The following RAC3 variants were observed in gnomAD, a reference collection of about 807,000 sequenced individuals.
The protein encoded by RAC3 is Rac family small GTPase 3.
Under a neutral mutation model 19.0 loss-of-function variants are expected in RAC3, and 9 were observed. The ratio of observed to expected loss-of-function variants is 0.47; its 90% CI spans 0.29 to 0.83. The LOEUF (loss-of-function observed/expected upper bound fraction) is 0.83, where lower values mean the gene tolerates loss of function less well. Ranked by LOEUF, RAC3 falls within the 40% of genes least tolerant of loss-of-function variation. RAC3 has a pLI of 0.09. For synonymous variants in RAC3, 146 were observed against 111.8 expected (o/e 1.31, Z -1.93); for missense variants, 203 against 260.8 (o/e 0.78, Z 1.53).
chr17:82,033,892 G>T lies in RAC3; in HGVS notation c.*63G>T. 6.6e-7 allele frequency: 1 copy of T among 1,511,942 alleles called. No homozygotes were observed. 93.7% of individuals were successfully genotyped at this position (1,511,942 alleles called of 1,614,324 possible). A position where few individuals can be genotyped will look rare whatever the true frequency, so the allele number is the denominator to read the frequency against. ...CAGCCCTGGACGTGTCCGCTGTTGT[G>T]TTGAGACGTGTGGTGTCCCTGAGTC... On this transcript the variant is annotated 3_prime_UTR_variant, in exon 6 of 6. Transcript: ENST00000306897. This position sits in a 1 kb window ranked among gnomAD's most constrained non-coding sequence, Gnocchi z 6.2.
intron 3 of RAC3, 23 bp from the exon 4 acceptor site, chr17:82,032,924 C>G: frequency 1.9e-6 from 3 of 1,613,078 alleles, no homozygotes; most frequent in Non-Finnish European, 2.5e-6. Context: ...GACCACTCCA[C>G]CAGGTCCCAC....
Position 82,032,415 on chromosome 17 carries a change from A to T in RAC3, c.64A>T (p.Ser22Cys), listed in dbSNP as rs1339755964. 1 of 1,612,842 alleles carries T rather than the reference A, an allele frequency of 6.2e-7. No homozygotes were observed. Among genetic ancestry groups the T allele is most frequent in the Non-Finnish European group, 8.5e-7 (1 of 1,179,920 alleles). The change falls in exon 2 of 6, where the codon AGC (serine) becomes TGC (cysteine). Residue 22 changes from serine (S) to cysteine (C), a missense_variant. This residue lies in a region of RAC3 where 49 missense variants were observed against 67.4 expected (regional missense o/e 0.73). Coordinates refer to ENST00000306897, the MANE Select transcript of RAC3 (RefSeq NM_005052.3). ...CGTGGGGAAGACATGCTTGCTGATC[A>T]GCTACACGACCAACGCCTTCCCCGG... ...GAVGKTCLLI[S>C]YTTNAFPGEY...
In RAC3 at chr17:82,033,984, G is replaced by C; in HGVS notation, c.*155G>C. ...GGATGAGGCTGGGTGGCAGGATCCT[G>C]TCCTCTCTGCCGCCTCATTCTGGGG... is the stretch of plus-strand genomic sequence containing the variant. On this transcript the variant is annotated 3_prime_UTR_variant, in exon 6 of 6. Transcript: ENST00000306897. This position sits in a 1 kb window ranked among gnomAD's most constrained non-coding sequence, Gnocchi z 6.2. 4 of 1,021,960 alleles carry C rather than the reference G, an allele frequency of 3.9e-6. No homozygotes were observed. The highest frequency in any genetic ancestry group is 5.5e-6 in the Non-Finnish European group (4 of 721,888). The allele number at this position is 1,021,960 out of a possible 1,614,324, so 63.3% of individuals were successfully genotyped here. A position where few individuals can be genotyped will look rare whatever the true frequency, so the allele number is the denominator to read the frequency against.
rs369411372 is a variant in RAC3, at chr17:82,033,679, C to T, written c.449-20C>T. 1 of 1,609,998 alleles carries T rather than the reference C, an allele frequency of 6.2e-7. No homozygotes were observed. The highest frequency in any genetic ancestry group is 8.5e-7 in the Non-Finnish European group (1 of 1,177,636). On this transcript the variant is annotated intron_variant, in intron 5 of 5. Transcript: ENST00000306897. The surrounding 1 kb of genome is among the most constrained non-coding windows in gnomAD (Gnocchi z 6.2). ...TCCCTGTACCCCACCCTCACTGTCT[C>T]CCCTCCTCACTGCCGCTAGGCTCTG...
intron 2 of RAC3, 54 bp downstream of exon 2, chr17:82,032,512 G>C: frequency 6.3e-7 from 1 of 1,581,502 alleles, no homozygotes; most frequent in South Asian, 1.1e-5. Context: ...AGTGTGGCAT[G>C]GGGGGGACAC....
chr17:82,032,123 C>T (rs2043436714), intron 1 of RAC3: 2 of 528,316 alleles, frequency 3.8e-6, no homozygotes, highest in Non-Finnish European at 6.8e-6. Context: ...CCCACCCTCT[C>T]CTGCCGCCAC....
chr17:82,031,868 G>C (rs891583190), intron 1 of RAC3, 72 bp downstream of exon 1: 64 of 796,308 alleles, frequency 8.0e-5, no homozygotes, highest in Non-Finnish European at 8.3e-5. Context: ...GGGCGCAGCC[G>C]GGGCGGGGCG....
chr17:82,033,752 G>A lies in RAC3; in HGVS notation c.502G>A (p.Val168Met). The change falls in exon 6 of 6, where the codon GTG (valine) becomes ATG (methionine). Residue 168 changes from valine (V) to methionine (M), a missense_variant. Transcript: ENST00000306897. This position sits in a 1 kb window ranked among gnomAD's most constrained non-coding sequence, Gnocchi z 6.2. ...SALTQRGLKT[V>M]FDEAIRAVLC... ...CCTGACCCAGCGGGGCCTGAAGACAGTGTTTGACGAGGCGATCCGCGCGGT... is the reference window on the plus strand; with the variant it reads ...CCTGACCCAGCGGGGCCTGAAGACAATGTTTGACGAGGCGATCCGCGCGGT... 1 of 1,613,078 alleles carries A rather than the reference G, an allele frequency of 6.2e-7. No homozygotes were observed. The highest frequency in any genetic ancestry group is 8.5e-7 in the Non-Finnish European group (1 of 1,179,888).
In RAC3 at chr17:82,033,790, C is replaced by T. The variant is rs376346731; in HGVS notation, c.540C>T (p.Pro180=). ...CGATCCGCGCGGTGCTCTGCCCGCC[C>T]CCAGTGAAGAAGCCGGGGAAGAAGT... The part of the protein sequence containing the change: ...DEAIRAVLCP[P]PVKKPGKKCT... Residue 180 remains proline (P), a synonymous_variant, in exon 6 of 6, where the codon CCC becomes CCT. Coordinates refer to ENST00000306897, the MANE Select transcript of RAC3 (RefSeq NM_005052.3). This position sits in a 1 kb window ranked among gnomAD's most constrained non-coding sequence, Gnocchi z 6.2. The T allele has an allele frequency of 6.2e-7, 1 of 1,611,186 alleles. No individual in the cohort carries two copies. Among genetic ancestry groups the T allele is most frequent in the African/African-American group, 1.3e-5 (1 of 74,854 alleles).
rs753063142 is a variant in RAC3, at chr17:82,033,773, G to A, written c.523G>A (p.Ala175Thr). ...GACAGTGTTTGACGAGGCGATCCGC[G>A]CGGTGCTCTGCCCGCCCCCAGTGAA... ...LKTVFDEAIR[A>T]VLCPPPVKKP... Residue 175 changes from alanine (A) to threonine (T), a missense_variant, in exon 6 of 6, where the codon GCG becomes ACG. Transcript: ENST00000306897. The surrounding 1 kb of genome is among the most constrained non-coding windows in gnomAD (Gnocchi z 6.2). 1.7e-5 allele frequency: 28 copies of A among 1,612,430 alleles called. No individual in the cohort carries two copies. Among genetic ancestry groups the A allele is most frequent in the Non-Finnish European group, 2.2e-5 (26 of 1,179,744 alleles).
rs1282198392 is a variant in RAC3 at position 82,032,760 on chromosome 17, T to C, written c.157T>C (p.Leu53=). 28 of 1,613,030 alleles carry C rather than the reference T, an allele frequency of 1.7e-5. No individual in the cohort carries two copies. Among genetic ancestry groups the C allele is most frequent in the Non-Finnish European group, 2.3e-5 (27 of 1,180,008 alleles). The change falls in exon 3 of 6, where the codon TTG becomes CTG. Residue 53 remains leucine, a synonymous_variant. Coordinates refer to ENST00000306897, the MANE Select transcript of RAC3 (RefSeq NM_005052.3). ...GATGGTGGACGGGAAACCAGTCAACTTGGGGCTGTGGGACACAGCGGGTCA... is the reference window on the plus strand; with the variant it reads ...GATGGTGGACGGGAAACCAGTCAACCTGGGGCTGTGGGACACAGCGGGTCA... ...NVMVDGKPVN[L]GLWDTAGQED...
At chr17:82,032,594 G>A in intron 2 of RAC3, 117 bp from the exon 3 acceptor site, 1 of 1,433,044 alleles carries the variant, frequency 7.0e-7, no homozygotes, top group Non-Finnish European at 9.8e-7. Flanking sequence ...CTGGAGCTGA[G>A]GTGCTGGCCA....
At position 82,033,304 on chromosome 17, in the gene RAC3, C is replaced by T. The variant is rs569195913; in HGVS notation, c.289-136C>T. 12 of 1,119,564 alleles carry T rather than the reference C, an allele frequency of 1.1e-5. No homozygotes were observed. In the South Asian group the frequency reaches 1.6e-4, roughly 15 times the overall value. 69.4% of individuals were successfully genotyped at this position (1,119,564 alleles called of 1,614,324 possible). On this transcript the variant is annotated intron_variant, in intron 4 of 5. Transcript: ENST00000306897. This position sits in a 1 kb window ranked among gnomAD's most constrained non-coding sequence, Gnocchi z 6.2. ...TGGTATCTCCCCACCAAATCCGCCC[C>T]TGGTCACCCCTTGAAGGAAGAAGAG...
intron 1 of RAC3, 86 bp from the exon 2 acceptor site, chr17:82,032,301 C>T (rs1290191779): frequency 3.6e-6 from 5 of 1,390,816 alleles, no homozygotes; most frequent in East Asian, 2.3e-5. Flanking sequence ...CCTAACTCGC[C>T]TCTGGCTCCG....
chr17:82,032,590 C>G (rs1278645770), intron 2 of RAC3, 121 bp from the exon 3 acceptor site: 7 of 1,429,312 alleles, frequency 4.9e-6, no homozygotes, highest in African/African-American at 4.2e-5. Flanking sequence ...CCGGCTGGAG[C>G]TGAGGTGCTG....
At chr17:82,032,853 G>A (rs780542401) in intron 3 of RAC3, 25 bp downstream of exon 3, 3 of 1,611,264 alleles carry the variant, frequency 1.9e-6, no homozygotes, top group Admixed American at 1.7e-5. Flanking sequence ...GGCCAGCCCC[G>A]GGAGCTGGGG....
Position 82,032,994 on chromosome 17 carries a change from G to A in RAC3, c.273G>A (p.Glu91=), listed in dbSNP as rs750977288. 5 of 1,613,514 alleles carry A rather than the reference G, an allele frequency of 3.1e-6. No individual in the cohort carries two copies. Among genetic ancestry groups the A allele is most frequent in the East Asian group, 2.2e-5 (1 of 44,876 alleles). The part of the protein sequence containing the change: ...CFSLVSPASF[E]NVRAKWYPEV... ...CTCTGGTGAGCCCGGCCTCCTTCGA[G>A]AATGTTCGTGCCAAGGTAGGGCAAG... The change falls in exon 4 of 6, where the codon GAG becomes GAA. Residue 91 remains glutamate, a synonymous_variant. Transcript: ENST00000306897.
rs182696087 is a variant in RAC3 at position 82,031,729 on chromosome 17, G to A, written c.-33G>A. 137 of 988,938 alleles carry A rather than the reference G, an allele frequency of 1.4e-4. No individual in the cohort carries two copies. Among genetic ancestry groups the A allele is most frequent in the Non-Finnish European group, 1.6e-4 (130 of 834,166 alleles). 61.3% of individuals were successfully genotyped at this position (988,938 alleles called of 1,614,324 possible). The stretch of plus-strand genomic sequence containing the variant: ...CGGGCATTTCTCCGCAGCTCGGCTC[G>A]CGGCCGCGCCCGCCGCCGCCCGGCC... On this transcript the variant is annotated 5_prime_UTR_variant, in exon 1 of 6. Coordinates refer to ENST00000306897, the MANE Select transcript of RAC3 (RefSeq NM_005052.3).
Position 82,031,786 on chromosome 17 carries a change from G to A in RAC3, c.25G>A (p.Val9Ile). ...CATGCAGGCCATCAAGTGCGTGGTG[G>A]TCGGCGACGGGTGAGTGCGCGGCCC... is the stretch of plus-strand genomic sequence containing the variant. MQAIKCVV[V>I]GDGAVGKTCL... The change falls in exon 1 of 6, where the codon GTC (valine) becomes ATC (isoleucine). Residue 9 changes from valine (V) to isoleucine (I), a missense_variant. Around this residue, in one of 3 missense-constraint regions of RAC3, gnomAD observed 49 missense variants for 67.4 expected, o/e 0.73. Coordinates refer to ENST00000306897, the MANE Select transcript of RAC3 (RefSeq NM_005052.3). 4 of 998,784 alleles carry A rather than the reference G, an allele frequency of 4.0e-6. No homozygotes were observed. The highest frequency in any genetic ancestry group is 4.8e-6 in the Non-Finnish European group (4 of 840,610). 61.9% of individuals were successfully genotyped at this position (998,784 alleles called of 1,614,324 possible).
Sources: allele counts gnomAD v4.1 joint callset, GRCh38; gene constraint gnomAD v4.1.1; regional missense constraint gnomAD v4.1.1; non-coding constraint Gnocchi (gnomAD v3.1); transcripts MANE v1.5; gene names NCBI Gene and HGNC (gene_info 2026-07-23, HGNC 2026-07-21).